Variants in TUBB3 observed in about 807,000 individuals in gnomAD.
The protein encoded by TUBB3 is tubulin beta-3 chain.
TUBB3 carries 17 observed loss-of-function variants against 37.8 expected under a neutral mutation model. The observed-to-expected ratio is 0.45, with a 90% confidence interval of 0.31 to 0.67. The LOEUF is 0.67. Ranked by LOEUF, TUBB3 falls within the 30% of genes least tolerant of loss-of-function variation. TUBB3 has a pLI of 0.07. For missense variants in TUBB3, 262 were observed against 657.9 expected (o/e 0.40, Z 6.58); for synonymous variants, 332 against 278.9 (o/e 1.19, Z -1.90).
chr16:89,925,126 A>G (rs928899633), intron 1 of TUBB3, among the ~76,000 whole-genome samples: 2 of 152,128 alleles, frequency 1.3e-5, no homozygotes. Context: ...TCAGGTGCAC[A>G]TGCAGACATC....
intron 1 of TUBB3, among the ~76,000 whole-genome samples, chr16:89,924,668 T>C (rs1464639864): frequency 6.6e-6 from 1 of 151,736 alleles, no homozygotes; most frequent in Non-Finnish European, 1.5e-5. Flanking sequence ...GTGGCTGACA[T>C]GTAAATTGCA....
chr16:89,935,819 GGAGT>G lies in TUBB3; in HGVS notation c.*19_*22del. On this transcript the variant is annotated 3_prime_UTR_variant, in exon 4 of 4. Coordinates refer to ENST00000315491, the MANE Select transcript of TUBB3 (RefSeq NM_006086.4). ...GCCCCAAGTGAAGCTGCTCGCAGCT[GGAGT>G]GAGAGGCAGGTGGCGGCCGGGGCCG... 1 of 1,609,032 alleles carries G rather than the reference GGAGT, an allele frequency of 6.2e-7. No individual in the cohort carries two copies. Among genetic ancestry groups the G allele is most frequent in the Non-Finnish European group, 8.5e-7 (1 of 1,177,048 alleles).
chr16:89,931,792 G>A (rs973336184), intron 1 of TUBB3: 8 of 343,846 alleles, frequency 2.3e-5, no homozygotes, highest in South Asian at 4.2e-5. Context: ...TCTAGGCTCC[G>A]CTCGGCAGCT....
upstream of TUBB3, chr16:89,923,304 G>A (rs1167438933): frequency 4.7e-6 from 5 of 1,057,820 alleles, no homozygotes; most frequent in Non-Finnish European, 6.1e-6. Flanking sequence ...GAAGGGCGGG[G>A]CCGCGGCTAT....
chr16:89,925,173 C>T (rs937525462), intron 1 of TUBB3, among the ~76,000 whole-genome samples: 6 of 152,316 alleles, frequency 3.9e-5, no homozygotes, highest in Admixed American at 2.6e-4. Flanking sequence ...GAGCCCTTGT[C>T]CCCTGGACCG....
chr16:89,922,691 C>T (rs2029924477), upstream of TUBB3: 1 of 152,258 alleles, frequency 6.6e-6, no homozygotes, highest in Non-Finnish European at 1.5e-5. Context: ...CATGGCAGCC[C>T]CTTGGTGGAG....
At chr16:89,934,688 G>A in intron 3 of TUBB3, 41 bp from the exon 4 acceptor site, 1 of 1,598,642 alleles carries the variant, frequency 6.3e-7, no homozygotes, top group Non-Finnish European at 8.6e-7. Context: ...GGACTGCAGA[G>A]TCCCTGGCCC....
upstream of TUBB3, chr16:89,923,203 G>A (rs894978785): frequency 4.5e-6 from 1 of 221,764 alleles, no homozygotes; most frequent in Non-Finnish European, 8.6e-6. Context: ...GCGCGCGGCG[G>A]GCGGGGACGC....
chr16:89,933,592 G>T lies in TUBB3; in HGVS notation c.277+14G>T. On this transcript the variant is annotated intron_variant, in intron 3 of 3. Coordinates refer to ENST00000315491, the MANE Select transcript of TUBB3 (RefSeq NM_006086.4). ...ATTTCATCTTTGGTAAGTTCCCCCTGCTCCAAGCTCTGATGGCAGACCCCA... is the reference window on the plus strand; with the variant it reads ...ATTTCATCTTTGGTAAGTTCCCCCTTCTCCAAGCTCTGATGGCAGACCCCA... 6.2e-7 allele frequency: 1 copy of T among 1,603,900 alleles called. No homozygotes were observed. Among genetic ancestry groups the T allele is most frequent in the South Asian group, 1.1e-5 (1 of 90,886 alleles).
At chr16:89,926,388 G>A (rs1414350143) in intron 1 of TUBB3, among the ~76,000 whole-genome samples, 1 of 152,260 alleles carries the variant, frequency 6.6e-6, no homozygotes, top group Non-Finnish European at 1.5e-5. Context: ...GTCCTGGAGG[G>A]GCTTGGAGGC....
rs539546245 is a variant in TUBB3, at chr16:89,931,742, G to A, written c.58-829G>A. 152 of 263,966 alleles carry A rather than the reference G, an allele frequency of 5.8e-4. 1 individual carries two copies. The highest frequency in any genetic ancestry group is 8.0e-4 in the Non-Finnish European group (96 of 120,132). The allele number at this position is 263,966 out of a possible 1,614,324, so 16.4% of individuals were successfully genotyped here. A position where few individuals can be genotyped will look rare whatever the true frequency, so the allele number is the denominator to read the frequency against. ...GCAAGGTCACACAGCTGGGAAGGGTGAGGGAAGCGTCTGTGAACCCAGCAG... is the reference window on the plus strand; with the variant it reads ...GCAAGGTCACACAGCTGGGAAGGGTAAGGGAAGCGTCTGTGAACCCAGCAG... On this transcript the variant is annotated intron_variant, in intron 1 of 3. Transcript: ENST00000315491.
chr16:89,923,243 C>T (rs1288855399), upstream of TUBB3: 7 of 353,404 alleles, frequency 2.0e-5, no homozygotes, highest in Non-Finnish European at 2.8e-5. Context: ...CCGGGCGGGG[C>T]TCTGCGGCGG....
chr16:89,923,166 C>T (rs1373699292), upstream of TUBB3: 3 of 186,128 alleles, frequency 1.6e-5, no homozygotes, highest in African/African-American at 7.1e-5. Flanking sequence ...GCTGGGGGAT[C>T]CTTGGCTGCG....
At chr16:89,929,439 C>T (rs1187023708) in intron 1 of TUBB3, among the ~76,000 whole-genome samples, 2 of 152,182 alleles carry the variant, frequency 1.3e-5, no homozygotes, top group East Asian at 1.9e-4. Context: ...ACGGGCATCC[C>T]GAGACACTGT....
At chr16:89,930,029 TTCCTTCC>T (rs2030226035) in intron 1 of TUBB3, among the ~76,000 whole-genome samples, 2 of 146,240 alleles carry the variant, frequency 1.4e-5, no homozygotes, top group African/African-American at 5.1e-5. Context: ...CCTTCCTTCC[TTCCTTCC>T]TTCCTTCCTT....
chr16:89,934,195 A>G, intron 3 of TUBB3: 1 of 341,436 alleles, frequency 2.9e-6, no homozygotes, highest in South Asian at 2.1e-5. Flanking sequence ...GGGGCCGTGG[A>G]TGCCACGTTC....
intron 2 of TUBB3, 141 bp from the exon 3 acceptor site, chr16:89,933,327 T>C: frequency 1.2e-6 from 1 of 808,574 alleles, no homozygotes; most frequent in Non-Finnish European, 2.2e-6. Context: ...AAGCTTGCCT[T>C]TGGTCCAGGA....
intron 1 of TUBB3, among the ~76,000 whole-genome samples, chr16:89,924,472 G>A (rs995433637): frequency 6.6e-6 from 1 of 152,044 alleles, no homozygotes; most frequent in Non-Finnish European, 1.5e-5. Context: ...GATCGGGGGG[G>A]GAGGCTGGCT....
In TUBB3 at chr16:89,934,543, C is replaced by T. The variant is rs531345524; in HGVS notation, c.278-186C>T. 7.5e-6 allele frequency: 5 copies of T among 668,652 alleles called. No individual in the cohort carries two copies. The African/African-American group carries it at 8.9e-5, about 12-fold the overall frequency. 41.4% of individuals were successfully genotyped at this position (668,652 alleles called of 1,614,324 possible). A position where few individuals can be genotyped will look rare whatever the true frequency, so the allele number is the denominator to read the frequency against. On this transcript the variant is annotated intron_variant, in intron 3 of 3. Transcript: ENST00000315491. ...CTGTCCAGAGCCCTCGTCCTGAGCA[C>T]TCAGCAGCATCGGCTCAGGGAAGCC...
Sources: gnomAD v4.1 joint callset for allele counts (sites outside exome capture counted in the v4.1 genomes callset) on GRCh38, gnomAD v4.1.1 for gene constraint, MANE v1.5 for transcripts, NCBI Gene and HGNC (gene_info 2026-07-23, HGNC 2026-07-21) for gene names.